The following NKAIN3 variants were observed in gnomAD, a reference collection of about 807,000 sequenced individuals.
The protein encoded by NKAIN3 is sodium/potassium transporting ATPase interacting 3.
A neutral mutation model predicts 30.2 loss-of-function variants in NKAIN3; 25 were observed. That is an observed-to-expected ratio of 0.83 (90% CI 0.60 to 1.16). The LOEUF (loss-of-function observed/expected upper bound fraction) is 1.16, where lower values mean the gene tolerates loss of function less well. Ranked by LOEUF, NKAIN3 falls within the 50% of genes most tolerant of loss-of-function variation. The pLI is 0.00. For synonymous variants in NKAIN3, 91 were observed against 89.6 expected (o/e 1.02, Z -0.09); for missense variants, 225 against 254.1 (o/e 0.89, Z 0.78).
chr8:62,343,952 TC>T (rs1416725322), intron 1 of NKAIN3, among the ~76,000 whole-genome samples: 1 of 152,144 alleles, frequency 6.6e-6, no homozygotes, highest in African/African-American at 2.4e-5. Context: ...ATAATTAGTA[TC>T]CAAGTGAAAC....
chr8:62,539,344 A>G (rs1280219928), intron 1 of NKAIN3, among the ~76,000 whole-genome samples: 1 of 152,222 alleles, frequency 6.6e-6, no homozygotes, highest in Non-Finnish European at 1.5e-5. Flanking sequence ...AGGGAAACTA[A>G]AGGCTTTACC....
intron 1 of NKAIN3, among the ~76,000 whole-genome samples, chr8:62,427,421 G>C: frequency 6.6e-6 from 1 of 151,946 alleles, no homozygotes; most frequent in East Asian, 1.9e-4. Context: ...GTGGTCATCT[G>C]TCAGGTTCAG....
chr8:62,411,894 A>G (rs887625455), intron 1 of NKAIN3, among the ~76,000 whole-genome samples: 2 of 152,202 alleles, frequency 1.3e-5, no homozygotes, highest in Non-Finnish European at 2.9e-5. Context: ...ACACTGCTGA[A>G]TGAAATCAGA....
At chr8:62,633,843 C>T (rs576929388) in intron 3 of NKAIN3, among the ~76,000 whole-genome samples, 4 of 152,266 alleles carry the variant, frequency 2.6e-5, no homozygotes, top group East Asian at 3.9e-4. Flanking sequence ...GCCATTCCTA[C>T]AAGAGGTGCC....
chr8:62,376,452 C>T (rs756651544), intron 1 of NKAIN3, among the ~76,000 whole-genome samples: 2 of 152,162 alleles, frequency 1.3e-5, no homozygotes, highest in Admixed American at 1.3e-4. Context: ...CTCTAGTCTG[C>T]TAGTCTTTTC....
chr8:62,815,194 C>T (rs1200318516), intron 4 of NKAIN3, among the ~76,000 whole-genome samples: 1 of 152,134 alleles, frequency 6.6e-6, no homozygotes, highest in East Asian at 1.9e-4. Context: ...TCTGAATAGA[C>T]CAATAACAGG....
intron 1 of NKAIN3, among the ~76,000 whole-genome samples, chr8:62,486,750 C>T (rs189927325): frequency 5.9e-5 from 9 of 152,218 alleles, no homozygotes; most frequent in Non-Finnish European, 1.0e-4. Flanking sequence ...ATTCTTACTA[C>T]CATTTGCAAT....
chr8:62,502,647 C>T (rs1033481058), intron 1 of NKAIN3, among the ~76,000 whole-genome samples: 2 of 151,982 alleles, frequency 1.3e-5, no homozygotes, highest in Admixed American at 6.6e-5. Context: ...ATGTGTTCTC[C>T]CTGTATGATC....
intron 1 of NKAIN3, among the ~76,000 whole-genome samples, chr8:62,401,083 G>A (rs761225145): frequency 5.7e-5 from 8 of 140,974 alleles, no homozygotes; most frequent in Non-Finnish European, 9.2e-5. Context: ...CCCTTTTGAA[G>A]CTATCTTCCA....
chr8:62,988,266 G>T (rs141086587), downstream of NKAIN3, among the ~76,000 whole-genome samples: 2 of 152,158 alleles, frequency 1.3e-5, no homozygotes, highest in Admixed American at 6.5e-5. Flanking sequence ...CTACCATTCT[G>T]GGGTCTGAAG....
chr8:62,569,712 G>T (rs1809869514), intron 1 of NKAIN3, among the ~76,000 whole-genome samples: 4 of 151,680 alleles, frequency 2.6e-5, no homozygotes, highest in African/African-American at 7.3e-5. Context: ...GGAGGCAGAG[G>T]TTGCAGTGAG....
intron 1 of NKAIN3, among the ~76,000 whole-genome samples, chr8:62,326,565 T>A: frequency 6.6e-6 from 1 of 151,650 alleles, no homozygotes; most frequent in East Asian, 1.9e-4. Flanking sequence ...TAATAATTAT[T>A]AATTATTAAA....
intron 1 of NKAIN3, among the ~76,000 whole-genome samples, chr8:62,335,001 G>T (rs1396507333): frequency 6.6e-6 from 1 of 152,048 alleles, no homozygotes; most frequent in African/African-American, 2.4e-5. Flanking sequence ...CCCCAAACTG[G>T]CACAGCATAG....
chr8:62,522,180 G>A (rs1000631518), intron 1 of NKAIN3, among the ~76,000 whole-genome samples: 47 of 152,166 alleles, frequency 3.1e-4, no homozygotes, highest in African/African-American at 1.0e-3. Context: ...TTGGTCAACG[G>A]CAGGCCACAT....
chr8:62,524,015 C>T (rs995043093), intron 1 of NKAIN3, among the ~76,000 whole-genome samples: 1 of 151,936 alleles, frequency 6.6e-6, no homozygotes, highest in African/African-American at 2.4e-5. Context: ...TGCTTTGGTC[C>T]TCAAGGATGA....
chr8:62,927,370 C>A (rs929606654), intron 5 of NKAIN3, among the ~76,000 whole-genome samples: 5 of 152,184 alleles, frequency 3.3e-5, no homozygotes, highest in Non-Finnish European at 7.3e-5. Flanking sequence ...ATCTCTTGAA[C>A]AGCACATATT....
intron 1 of NKAIN3, among the ~76,000 whole-genome samples, chr8:62,309,200 C>T (rs942757843): frequency 2.0e-5 from 3 of 150,290 alleles, no homozygotes; most frequent in East Asian, 3.9e-4. Flanking sequence ...TATTTGTACA[C>T]CTGTTATATG....
At chr8:62,838,329 T>TAC (rs1173916914) in intron 4 of NKAIN3, among the ~76,000 whole-genome samples, 1 of 151,672 alleles carries the variant, frequency 6.6e-6, no homozygotes, top group Non-Finnish European at 1.5e-5. Flanking sequence ...CATATATATA[T>TAC]ACACACACAC....
intron 3 of NKAIN3, among the ~76,000 whole-genome samples, chr8:62,608,278 T>C (rs1811187100): frequency 6.6e-6 from 1 of 152,196 alleles, no homozygotes; most frequent in Non-Finnish European, 1.5e-5. Flanking sequence ...TTTGGTTTCC[T>C]GTGTCACGTA....
Sources: allele counts gnomAD v4.1 joint callset (sites outside exome capture counted in the v4.1 genomes callset), GRCh38; gene constraint gnomAD v4.1.1; transcripts MANE v1.5; gene names NCBI Gene and HGNC (gene_info 2026-07-23, HGNC 2026-07-21).